Variants in PCDHA4 observed in about 807,000 individuals in gnomAD.
PCDHA4 encodes the protein protocadherin alpha-4.
In PCDHA4, 49 loss-of-function variants were observed where a neutral mutation model predicts 61.4. The observed-to-expected ratio is 0.80, with a 90% CI of 0.63 to 1.01. PCDHA4 has a LOEUF of 1.01. Ranked by LOEUF, PCDHA4 falls within the 50% of genes least tolerant of loss-of-function variation. The pLI, the probability that PCDHA4 is intolerant of heterozygous loss-of-function variation, is 0.00. For synonymous variants in PCDHA4, 590 were observed against 550.3 expected, an observed-to-expected ratio of 1.07 and a Z score of -1.01; for missense variants, 1,254 against 1,235.8, an observed-to-expected ratio of 1.01 and a Z score of -0.22.
At position 140,823,147 on chromosome 5, in the gene PCDHA4, C is replaced by G. The variant is rs144629482; in HGVS notation, c.2385+13575C>G. 35 of 1,613,884 alleles carry G rather than the reference C, an allele frequency of 2.2e-5. No homozygotes were observed. The Admixed American group carries it at 3.8e-4, about 18-fold the overall frequency. On this transcript the variant is annotated intron_variant, in intron 1 of 3. Transcript: ENST00000530339. Reference sequence around the variant, plus strand: ...CAACGCTCCGGCGTTCGCGCAGCCCCAGTATACCGTGTTCGTGAAGGAGAA... The same window carrying G: ...CAACGCTCCGGCGTTCGCGCAGCCCGAGTATACCGTGTTCGTGAAGGAGAA...
intron 1 of PCDHA4, chr5:140,867,978 C>T (rs1283630691): frequency 6.6e-6 from 1 of 152,064 alleles, no homozygotes; most frequent in East Asian, 1.9e-4. Flanking sequence ...CAACAAGAAA[C>T]AAACTATTTT....
intron 1 of PCDHA4, chr5:140,854,061 C>T: frequency 3.6e-6 from 1 of 279,894 alleles, no homozygotes; most frequent in Non-Finnish European, 5.4e-6. Flanking sequence ...ACTCAGGAGG[C>T]TGAGGCGAGA....
intron 1 of PCDHA4, chr5:140,843,622 G>C (rs1249780500): frequency 1.3e-6 from 2 of 1,595,910 alleles, no homozygotes; most frequent in East Asian, 2.2e-5. Flanking sequence ...CACCGAAGAC[G>C]GACCTCATGG....
chr5:141,005,626 C>T (rs554956978), intron 3 of PCDHA4, among the ~76,000 whole-genome samples: 5 of 136,646 alleles, frequency 3.7e-5, no homozygotes, highest in South Asian at 4.9e-4. Context: ...GGCGTGAACC[C>T]GGGAGGCGGA....
rs560485194 is a variant in PCDHA4 at position 140,872,763 on chromosome 5, G to A, written c.2385+63191G>A. ...AACTTGCTAAAGACATGCATATAGG[G>A]CTATATTATCTATAATATATGCTAG... On this transcript the variant is annotated intron_variant, in intron 1 of 3. Coordinates refer to ENST00000530339, the MANE Select transcript of PCDHA4 (RefSeq NM_018907.4). 2.0e-5 allele frequency among the ~76,000 whole-genome samples: 3 copies of A among 152,126 alleles called. No homozygotes were observed. The South Asian group carries it at 6.2e-4, about 32-fold the overall frequency.
chr5:140,960,397 G>A (rs1322659184), intron 1 of PCDHA4, among the ~76,000 whole-genome samples: 1 of 152,102 alleles, frequency 6.6e-6, no homozygotes, highest in African/African-American at 2.4e-5. Flanking sequence ...AGGATGCAAG[G>A]GGGGGTGCCC....
At chr5:140,949,009 G>A (rs1563235030) in intron 1 of PCDHA4, among the ~76,000 whole-genome samples, 1 of 151,574 alleles carries the variant, frequency 6.6e-6, no homozygotes, top group Non-Finnish European at 1.5e-5. Context: ...ATTTTTATAT[G>A]TGATGTTTTT....
At position 140,982,579 on chromosome 5, in the gene PCDHA4, C is replaced by G. The variant is rs781915481; in HGVS notation, c.2533+16C>G. 7 of 1,612,084 alleles carry G rather than the reference C, an allele frequency of 4.3e-6. No individual in the cohort carries two copies. In the Admixed American group the frequency reaches 1.2e-4, roughly 27 times the overall value. On this transcript the variant is annotated intron_variant, in intron 3 of 3. Coordinates refer to ENST00000530339, the MANE Select transcript of PCDHA4 (RefSeq NM_018907.4). ...GCAACACCAGGTAAAGAGCTGGGGT[C>G]TCTCCATTCTTTCTTGGTTTCTGGA...
intron 1 of PCDHA4, chr5:140,927,462 A>C (rs782679625): frequency 6.2e-7 from 1 of 1,614,138 alleles, no homozygotes; most frequent in East Asian, 2.2e-5. Flanking sequence ...TGGAGAAAGC[A>C]CTGGATCGCG....
At chr5:140,828,345 T>C in intron 1 of PCDHA4, 2 of 1,614,224 alleles carry the variant, frequency 1.2e-6, no homozygotes, top group Non-Finnish European at 1.7e-6. Context: ...GGCATTTTGT[T>C]TGTGAATTCT....
intron 1 of PCDHA4, among the ~76,000 whole-genome samples, chr5:140,917,823 G>A (rs1167187844): frequency 6.6e-5 from 10 of 151,920 alleles, no homozygotes; most frequent in African/African-American, 1.9e-4. Context: ...AAGTTGGGTA[G>A]TGTGATGTCC....
intron 3 of PCDHA4, 40 bp downstream of exon 3, chr5:140,982,603 G>A: frequency 6.2e-7 from 1 of 1,607,892 alleles, no homozygotes; most frequent in East Asian, 2.2e-5. Context: ...TTGGTTTCTG[G>A]AAAGTGATCA....
intron 1 of PCDHA4, among the ~76,000 whole-genome samples, chr5:140,918,920 G>A (rs1470075085): frequency 6.6e-6 from 1 of 152,204 alleles, no homozygotes; most frequent in Non-Finnish European, 1.5e-5. Context: ...TAACTACACA[G>A]CATATGGCAT....
At position 140,842,891 on chromosome 5, in the gene PCDHA4, G is replaced by T. The variant is rs2150347390; in HGVS notation, c.2385+33319G>T. On this transcript the variant is annotated intron_variant, in intron 1 of 3. Transcript: ENST00000530339. ...CAAGGTGTACGCGCTGCAGCCGCTGGACCACGAGGAGCTAGAGCTGCTGCA... is the reference window on the plus strand; with the variant it reads ...CAAGGTGTACGCGCTGCAGCCGCTGTACCACGAGGAGCTAGAGCTGCTGCA... 1.1e-5 allele frequency: 18 copies of T among 1,594,150 alleles called. No homozygotes were observed. The Admixed American group carries it at 3.0e-4, about 27-fold the overall frequency.
chr5:141,009,060 G>C (rs1192687086), intron 3 of PCDHA4, among the ~76,000 whole-genome samples: 4 of 152,176 alleles, frequency 2.6e-5, no homozygotes, highest in Non-Finnish European at 5.9e-5. Context: ...AATCACAACT[G>C]TATTCTTTAG....
intron 1 of PCDHA4, chr5:140,860,548 T>C (rs1219356676): frequency 6.6e-6 from 1 of 152,138 alleles, no homozygotes; most frequent in Non-Finnish European, 1.5e-5. Flanking sequence ...CAAACCCACC[T>C]TTGAAGAGGT....
At chr5:140,821,484 T>A (rs1425462413) in intron 1 of PCDHA4, 14 of 285,438 alleles carry the variant, frequency 4.9e-5, no homozygotes, top group African/African-American at 1.1e-4. Context: ...TGAGAATACT[T>A]GAGAAATATT....
chr5:140,863,361 C>T (rs1562578610), intron 1 of PCDHA4: 1 of 1,203,518 alleles, frequency 8.3e-7, no homozygotes. Flanking sequence ...CGCTGCGGTG[C>T]TTGGCGCAGC....
chr5:140,856,900 C>A, intron 1 of PCDHA4: 1 of 1,596,130 alleles, frequency 6.3e-7, no homozygotes, highest in Non-Finnish European at 8.6e-7. Flanking sequence ...GCTCTTTGGT[C>A]CCACCCACGA....
Sources: allele counts gnomAD v4.1 joint callset (sites outside exome capture counted in the v4.1 genomes callset), GRCh38; gene constraint gnomAD v4.1.1; transcripts MANE v1.5; gene names NCBI Gene and HGNC (gene_info 2026-07-23, HGNC 2026-07-21).